Variants in ENTREP3 observed in about 807,000 individuals in gnomAD.
ENTREP3 encodes the protein protein ENTREP3.
At chr1:155,253,794 G>A in the ENTREP3 span, 2 of 1,610,124 alleles carry the variant, frequency 1.2e-6, no homozygotes, top group Non-Finnish European at 1.7e-6. Context: ...TTATGGGCCT[G>A]TGAGTACCCC....
At chr1:155,247,896 T>A in the ENTREP3 span, 1 of 1,578,368 alleles carries the variant, frequency 6.3e-7, no homozygotes, top group South Asian at 1.2e-5. Flanking sequence ...AGCTCAGATC[T>A]CCGCAGCTGC....
At chr1:155,250,628 G>A in the ENTREP3 span, 2 of 1,610,552 alleles carry the variant, frequency 1.2e-6, no homozygotes, top group East Asian at 2.2e-5. This position sits in a 1 kb window ranked among gnomAD's most constrained non-coding sequence, Gnocchi z 5.4. Context: ...GGCTTTCCTC[G>A]AAGGGGCCCC....
At chr1:155,247,831 C>T in the ENTREP3 span, 25 of 1,482,588 alleles carry the variant, frequency 1.7e-5, no homozygotes, top group East Asian at 9.6e-5. Context: ...GCTGTGGGGG[C>T]GGGTACCACG....
chr1:155,254,995 C>G, the ENTREP3 span: 5 of 798,520 alleles, frequency 6.3e-6, no homozygotes, highest in Admixed American at 7.7e-5. This position sits in a 1 kb window ranked among gnomAD's most constrained non-coding sequence, Gnocchi z 4.4. Flanking sequence ...GAGCCCACCC[C>G]CTGGCTGGGT....
the ENTREP3 span, chr1:155,252,150 A>T: frequency 2.3e-6 from 1 of 433,240 alleles, no homozygotes; most frequent in East Asian, 3.7e-5. Context: ...CAGAAGCTCC[A>T]CACATTCTGT....
At chr1:155,250,713 G>A in the ENTREP3 span, 1 of 1,612,976 alleles carries the variant, frequency 6.2e-7, no homozygotes, top group African/African-American at 1.3e-5. This position sits in a 1 kb window ranked among gnomAD's most constrained non-coding sequence, Gnocchi z 5.4. Flanking sequence ...GTAGTCCACG[G>A]AGCGCACGGA....
the ENTREP3 span, chr1:155,252,012 C>T: frequency 1.3e-6 from 1 of 778,522 alleles, no homozygotes; most frequent in Non-Finnish European, 1.9e-6. Context: ...GCCCTATCCC[C>T]TGAGAGAAGC....
chr1:155,255,406 C>G, the ENTREP3 span: 2,980 of 153,550 alleles, frequency 0.019, 89 homozygotes, highest in African/African-American at 0.069. The surrounding 1 kb of genome is among the most constrained non-coding windows in gnomAD (Gnocchi z 5.6). Context: ...GTCGCCTGTC[C>G]CGCTCCCCTC....
At chr1:155,251,124 A>G in the ENTREP3 span, 4 of 1,612,622 alleles carry the variant, frequency 2.5e-6, no homozygotes, top group South Asian at 2.2e-5. Flanking sequence ...TCGTTCACAG[A>G]TGCACGAGCC....
the ENTREP3 span, chr1:155,252,690 G>GTGTATATATATATTTATATA: frequency 3.0e-5 from 1 of 32,878 alleles, no homozygotes; most frequent in African/African-American, 1.9e-4. Context: ...AATTTTGTGT[G>GTGTATATATATATTTATATA]TATATATATA....
chr1:155,251,241 T>A, the ENTREP3 span: 5 of 1,182,632 alleles, frequency 4.2e-6, no homozygotes, highest in Non-Finnish European at 5.9e-6. Context: ...TCTGGAGACT[T>A]AGATTCCAGA....
the ENTREP3 span, among the ~76,000 whole-genome samples, chr1:155,252,386 C>T: frequency 0.38 from 56,901 of 150,966 alleles, 13,026 homozygotes; most frequent in East Asian, 0.7. Context: ...ATTATTATTT[C>T]GAGACGAAGT....
At chr1:155,253,789 G>T in the ENTREP3 span, 1 of 1,609,602 alleles carries the variant, frequency 6.2e-7, no homozygotes, top group Non-Finnish European at 8.5e-7. Flanking sequence ...ACACATTATG[G>T]GCCTGTGAGT....
chr1:155,251,453 G>T, the ENTREP3 span: 1 of 1,393,304 alleles, frequency 7.2e-7, no homozygotes, highest in Non-Finnish European at 1.0e-6. Context: ...CAGCTTTCCA[G>T]GCTACAACCC....
At chr1:155,254,660 C>G in the ENTREP3 span, 2 of 1,607,822 alleles carry the variant, frequency 1.2e-6, no homozygotes, top group Non-Finnish European at 1.7e-6. This position sits in a 1 kb window ranked among gnomAD's most constrained non-coding sequence, Gnocchi z 4.4. Context: ...CACCGAGAAC[C>G]CAGCCCAAGA....
the ENTREP3 span, chr1:155,250,552 G>T: frequency 6.3e-6 from 10 of 1,578,284 alleles, no homozygotes; most frequent in Non-Finnish European, 7.7e-6. The surrounding 1 kb of genome is among the most constrained non-coding windows in gnomAD (Gnocchi z 5.4). Flanking sequence ...GCACCCAGTG[G>T]GGGTGGAGCT....
chr1:155,250,035 G>A, the ENTREP3 span, among the ~76,000 whole-genome samples: 2 of 151,926 alleles, frequency 1.3e-5, no homozygotes, highest in African/African-American at 2.4e-5. The surrounding 1 kb of genome is among the most constrained non-coding windows in gnomAD (Gnocchi z 5.4). Context: ...TCCAGCCTGG[G>A]CGACAGAGCC....
chr1:155,253,551 C>T, the ENTREP3 span: 1 of 1,013,954 alleles, frequency 9.9e-7, no homozygotes, highest in South Asian at 1.4e-5. Context: ...GCCATTGTTC[C>T]CTCAGGCAAG....
the ENTREP3 span, chr1:155,254,942 G>GC: frequency 5.5e-6 from 7 of 1,280,320 alleles, no homozygotes; most frequent in Non-Finnish European, 7.6e-6. The surrounding 1 kb of genome is among the most constrained non-coding windows in gnomAD (Gnocchi z 4.4). Context: ...TCTCAGAGGC[G>GC]CCCAAGGCCC....
Sources: allele counts gnomAD v4.1 joint callset (sites outside exome capture counted in the v4.1 genomes callset), GRCh38; gene constraint gnomAD v4.1.1; non-coding constraint Gnocchi (gnomAD v3.1); transcripts MANE v1.5; gene names NCBI Gene and HGNC (gene_info 2026-07-23, HGNC 2026-07-21).